Variants in TAFA2 observed in about 807,000 individuals in gnomAD.
TAFA2 encodes the protein TAFA chemokine like family member 2, also known as chemokine-like protein TAFA-2.
A neutral mutation model predicts 18.8 loss-of-function variants in TAFA2; 7 were observed. That is an observed-to-expected ratio of 0.37 (90% CI 0.21 to 0.70). The LOEUF (loss-of-function observed/expected upper bound fraction) is 0.70, where lower values mean the gene tolerates loss of function less well. Ranked by LOEUF, TAFA2 falls within the 30% of genes least tolerant of loss-of-function variation. The pLI, the probability that TAFA2 is intolerant of heterozygous loss-of-function variation, is 0.53. For missense variants in TAFA2, 122 were observed against 158.1 expected (o/e 0.77, Z 1.23); for synonymous variants, 60 against 54.2 (o/e 1.11, Z -0.47).
Position 61,858,654 on chromosome 12 carries a change from T to C in TAFA2, c.106+8666A>G, listed in dbSNP as rs1873988378. On this transcript the variant is annotated intron_variant, in intron 2 of 4. Coordinates refer to ENST00000416284, the MANE Select transcript of TAFA2 (RefSeq NM_178539.5). The stretch of plus-strand genomic sequence containing the variant: ...TACAATATATGTTTCTGGATATTTT[T>C]AGATACATGTAAATACTCGTTATTT... 4.6e-5 allele frequency among the ~76,000 whole-genome samples: 7 copies of C among 152,084 alleles called. No homozygotes were observed. In the South Asian group the frequency reaches 1.2e-3, roughly 27 times the overall value.
chr12:62,120,584 C>T (rs752435467), intron 1 of TAFA2, among the ~76,000 whole-genome samples: 2 of 152,126 alleles, frequency 1.3e-5, no homozygotes, highest in African/African-American at 2.4e-5. Flanking sequence ...ACTCTTCCTT[C>T]GTGTGGTATG....
intron 1 of TAFA2, chr12:62,104,635 A>G (rs1869363083): frequency 4.5e-6 from 2 of 449,026 alleles, no homozygotes; most frequent in African/African-American, 2.0e-5. Flanking sequence ...GTATACAGCC[A>G]CACAGATACA....
chr12:62,013,809 C>T (rs936506410), intron 1 of TAFA2, among the ~76,000 whole-genome samples: 6 of 152,100 alleles, frequency 3.9e-5, no homozygotes, highest in African/African-American at 1.4e-4. Flanking sequence ...GTAAGTTAGT[C>T]GATAATTTAA....
chr12:61,843,345 GA>G (rs1309852595), intron 2 of TAFA2, among the ~76,000 whole-genome samples: 7 of 151,160 alleles, frequency 4.6e-5, no homozygotes, highest in Non-Finnish European at 8.9e-5. Flanking sequence ...CCAGATATTG[GA>G]AAAAAAACTG....
chr12:62,246,802 T>A (rs920214232), intron 1 of TAFA2, among the ~76,000 whole-genome samples: 1 of 152,200 alleles, frequency 6.6e-6, no homozygotes, highest in African/African-American at 2.4e-5. Context: ...AATTTTGATA[T>A]GCCAGCAAAA....
chr12:61,805,928 A>T (rs891183086), intron 2 of TAFA2, among the ~76,000 whole-genome samples: 1 of 152,192 alleles, frequency 6.6e-6, no homozygotes, highest in African/African-American at 2.4e-5. Flanking sequence ...TCAGAAACAC[A>T]TAACACTAAC....
chr12:61,740,960 G>C (rs973323674), intron 4 of TAFA2, among the ~76,000 whole-genome samples: 1 of 151,482 alleles, frequency 6.6e-6, no homozygotes, highest in Non-Finnish European at 1.5e-5. Context: ...ATAATAAATA[G>C]AATTCTATGG....
At chr12:61,785,355 GTGTGTT>G (rs754206193) in intron 2 of TAFA2, among the ~76,000 whole-genome samples, 7 of 127,388 alleles carry the variant, frequency 5.5e-5, no homozygotes, top group Non-Finnish European at 9.0e-5. Flanking sequence ...GTGTGTGTGT[GTGTGTT>G]TGTGTGTGTG....
At chr12:61,998,759 A>C (rs2136698139) in intron 1 of TAFA2, among the ~76,000 whole-genome samples, 1 of 152,342 alleles carries the variant, frequency 6.6e-6, no homozygotes, top group South Asian at 2.1e-4. Context: ...CAAAAATAGA[A>C]GAAACACGTG....
chr12:61,973,754 A>T (rs74784417), intron 1 of TAFA2, among the ~76,000 whole-genome samples: 3,360 of 151,788 alleles, frequency 0.022, 155 homozygotes, highest in African/African-American at 0.077. Context: ...TATATATCAG[A>T]ACCACCTGGG....
chr12:61,816,816 A>G (rs1872104907), intron 2 of TAFA2, among the ~76,000 whole-genome samples: 1 of 151,300 alleles, frequency 6.6e-6, no homozygotes. Flanking sequence ...AGGCAGCCAT[A>G]CTTATTGCTG....
intron 2 of TAFA2, among the ~76,000 whole-genome samples, chr12:61,866,925 G>A (rs559130734): frequency 2.3e-4 from 35 of 149,632 alleles, no homozygotes; most frequent in Non-Finnish European, 4.7e-4. Flanking sequence ...TCCTTTAAAA[G>A]CCAGGGTAAA....
In TAFA2 at chr12:61,835,939, A is replaced by G. The variant is rs959473101; in HGVS notation, c.106+31381T>C. Among the ~76,000 whole-genome samples the G allele has an allele frequency of 7.9e-5, 12 of 151,944 alleles. No homozygotes were observed. The East Asian group carries it at 2.1e-3, about 27-fold the overall frequency. Reference sequence around the variant, plus strand: ...GTTCAGCAGGGGATATAGTAATTACACAATTGCCCTTATCATCTTAAGTAT... The same window carrying G: ...GTTCAGCAGGGGATATAGTAATTACGCAATTGCCCTTATCATCTTAAGTAT... On this transcript the variant is annotated intron_variant, in intron 2 of 4. Transcript: ENST00000416284.
intron 1 of TAFA2, among the ~76,000 whole-genome samples, chr12:62,078,941 C>T (rs1356858560): frequency 1.3e-5 from 2 of 152,212 alleles, no homozygotes; most frequent in Admixed American, 6.5e-5. Flanking sequence ...ATGCTCCACC[C>T]TGGTTCACTT....
At chr12:62,119,366 CAAG>C (rs60602702) in intron 1 of TAFA2, among the ~76,000 whole-genome samples, 75,937 of 151,438 alleles carry the variant, frequency 0.5, 19,511 homozygotes, top group Non-Finnish European at 0.55. Flanking sequence ...AGAAGAGAAA[CAAG>C]AAGATGATTT....
chr12:61,795,041 C>T (rs1333475151), intron 2 of TAFA2, among the ~76,000 whole-genome samples: 18 of 152,084 alleles, frequency 1.2e-4, no homozygotes, highest in African/African-American at 1.9e-4. Context: ...TACCATCTCA[C>T]GCCAGTTAGA....
chr12:61,863,920 G>A (rs1429782514), intron 2 of TAFA2, among the ~76,000 whole-genome samples: 2 of 152,124 alleles, frequency 1.3e-5, no homozygotes, highest in Non-Finnish European at 2.9e-5. Flanking sequence ...CTCAAGGAGG[G>A]ACCATCTCTG....
At chr12:61,988,485 G>C (rs751983461) in intron 1 of TAFA2, among the ~76,000 whole-genome samples, 2 of 152,138 alleles carry the variant, frequency 1.3e-5, no homozygotes, top group African/African-American at 2.4e-5. Context: ...TGTTGGAGGA[G>C]TTTTTCAAAT....
At chr12:61,934,597 C>T (rs569407371) in intron 1 of TAFA2, among the ~76,000 whole-genome samples, 3 of 152,286 alleles carry the variant, frequency 2.0e-5, no homozygotes, top group African/African-American at 7.2e-5. Flanking sequence ...TTATTGTTTG[C>T]CTGGGAAAAC....
Sources: gnomAD v4.1 joint callset for allele counts (sites outside exome capture counted in the v4.1 genomes callset) on GRCh38, gnomAD v4.1.1 for gene constraint, MANE v1.5 for transcripts, NCBI Gene and HGNC (gene_info 2026-07-23, HGNC 2026-07-21) for gene names.